The following VPS53 variants were observed in gnomAD, a reference collection of about 807,000 sequenced individuals.
VPS53 encodes vacuolar protein sorting-associated protein 53 homolog.
In VPS53, 70 loss-of-function variants were observed where a neutral mutation model predicts 107.0. That is an observed-to-expected ratio of 0.65 (90% CI 0.54 to 0.80). VPS53 has a LOEUF of 0.80. Ranked by LOEUF, VPS53 falls within the 30% of genes least tolerant of loss-of-function variation. The pLI is 0.00. For synonymous variants in VPS53, 409 were observed against 393.3 expected, an observed-to-expected ratio of 1.04 and a Z score of -0.47; for missense variants, 917 against 1,049.4, an observed-to-expected ratio of 0.87 and a Z score of 1.74.
At chr17:562,802 A>G (rs757808941) in intron 13 of VPS53, 57 bp from the exon 14 acceptor site, 69 of 1,571,808 alleles carry the variant, frequency 4.4e-5, no homozygotes, top group Non-Finnish European at 5.7e-5. Context: ...AGTAAAGCAA[A>G]TGTGCTCGTT....
chr17:702,418 C>A (rs1394669891), intron 2 of VPS53, among the ~76,000 whole-genome samples: 2 of 152,074 alleles, frequency 1.3e-5, no homozygotes, highest in Non-Finnish European at 2.9e-5. Flanking sequence ...GTAATCCCAG[C>A]ACTTTGAGGC....
chr17:679,294 T>C (rs777958055), intron 4 of VPS53, among the ~76,000 whole-genome samples: 68 of 152,010 alleles, frequency 4.5e-4, no homozygotes, highest in Non-Finnish European at 7.5e-4. Context: ...GGCGCGCAGA[T>C]CACGAGGTCA....
chr17:589,237 A>G (rs1231189185), intron 12 of VPS53, among the ~76,000 whole-genome samples: 1 of 152,012 alleles, frequency 6.6e-6, no homozygotes, highest in Non-Finnish European at 1.5e-5. Context: ...TTGAACATGT[A>G]TATTTTGTAT....
chr17:676,628 C>T (rs1972171346), intron 4 of VPS53, among the ~76,000 whole-genome samples: 1 of 152,128 alleles, frequency 6.6e-6, no homozygotes, highest in Admixed American at 6.5e-5. Flanking sequence ...CTGAAGACTG[C>T]CAGTTTATAT....
chr17:632,287 T>C (rs9899763), intron 7 of VPS53, among the ~76,000 whole-genome samples: 7,174 of 152,064 alleles, frequency 0.047, 553 homozygotes, highest in African/African-American at 0.16. Flanking sequence ...ATAAATCCAC[T>C]TTGGATTACT....
Position 520,028 on chromosome 17 carries a change from G to A in VPS53, c.2224-98C>T, listed in dbSNP as rs1187739637. On this transcript the variant is annotated intron_variant, in intron 20 of 21. Coordinates refer to ENST00000437048, the MANE Select transcript of VPS53 (RefSeq NM_001128159.3). The surrounding 1 kb of genome is among the most constrained non-coding windows in gnomAD (Gnocchi z 4.4). The stretch of plus-strand genomic sequence containing the variant: ...CAAGAAAACTCACTACCCACCGCAG[G>A]AGGAGACGGGAGCGGGCCCTTCAGG... The A allele has an allele frequency of 1.3e-6, 1 of 780,696 alleles. No homozygotes were observed. Among genetic ancestry groups the A allele is most frequent in the Non-Finnish European group, 2.1e-6 (1 of 465,622 alleles). 48.4% of individuals were successfully genotyped at this position (780,696 alleles called of 1,614,324 possible). A position where few individuals can be genotyped will look rare whatever the true frequency, so the allele number is the denominator to read the frequency against.
chr17:643,635 A>G (rs1342427653), intron 7 of VPS53, among the ~76,000 whole-genome samples: 2 of 151,080 alleles, frequency 1.3e-5, no homozygotes, highest in Non-Finnish European at 2.9e-5. Context: ...CGAGGACAAC[A>G]CTCATACTTG....
At chr17:672,257 C>A (rs1007709289) in intron 4 of VPS53, among the ~76,000 whole-genome samples, 4 of 148,912 alleles carry the variant, frequency 2.7e-5, no homozygotes, top group Non-Finnish European at 5.9e-5. Flanking sequence ...ACAAGCCCAG[C>A]TGAGACGCTA....
At chr17:639,862 G>A (rs926030186) in intron 7 of VPS53, among the ~76,000 whole-genome samples, 2 of 152,160 alleles carry the variant, frequency 1.3e-5, no homozygotes, top group Non-Finnish European at 2.9e-5. Context: ...CCCACTTGAG[G>A]AGGCAGTCTG....
rs1241065433 is a variant in VPS53, at chr17:511,668, C to G, written c.*7460G>C. Reference sequence around the variant, plus strand: ...CACAATTGGAAAGTAATCCAAACAGCCTGTGAGCTCAGGCTTCCCAGTTAG... The same window carrying G: ...CACAATTGGAAAGTAATCCAAACAGGCTGTGAGCTCAGGCTTCCCAGTTAG... On this transcript the variant is annotated 3_prime_UTR_variant, in exon 22 of 22. Transcript: ENST00000437048. The G allele has an allele frequency of 1.3e-5, 2 of 152,106 alleles. No individual in the cohort carries two copies. Among genetic ancestry groups the G allele is most frequent in the Non-Finnish European group, 2.9e-5 (2 of 68,028 alleles). The allele number at this position is 152,106 out of a possible 1,614,324, so 9.4% of individuals were successfully genotyped here. A position where few individuals can be genotyped will look rare whatever the true frequency, so the allele number is the denominator to read the frequency against.
At chr17:559,024 G>A (rs1425142033) in intron 15 of VPS53, among the ~76,000 whole-genome samples, 3 of 151,724 alleles carry the variant, frequency 2.0e-5, no homozygotes, top group Non-Finnish European at 2.9e-5. Flanking sequence ...AATAATTTAT[G>A]GTATAGTCCC....
Position 714,766 on chromosome 17 carries a change from G to T in VPS53, c.-57C>A. Reference sequence around the variant, plus strand: ...GCGAGCCCAACTCAGGCCTCCAGCCGCCACCCAGGCCCCAGCACAGCAACT... The same window carrying T: ...GCGAGCCCAACTCAGGCCTCCAGCCTCCACCCAGGCCCCAGCACAGCAACT... On this transcript the variant is annotated 5_prime_UTR_variant, in exon 1 of 22. Coordinates refer to ENST00000437048, the MANE Select transcript of VPS53 (RefSeq NM_001128159.3). 6.3e-7 allele frequency: 1 copy of T among 1,587,244 alleles called. No individual in the cohort carries two copies.
intron 4 of VPS53, among the ~76,000 whole-genome samples, chr17:682,878 T>C (rs1205029683): frequency 7.5e-6 from 1 of 132,960 alleles, no homozygotes; most frequent in Non-Finnish European, 1.6e-5. Flanking sequence ...GAGGGGATTT[T>C]AAAATAACAA....
chr17:619,006 C>A (rs981044097), intron 11 of VPS53, among the ~76,000 whole-genome samples: 7 of 140,390 alleles, frequency 5.0e-5, no homozygotes, highest in Admixed American at 3.7e-4. Context: ...TAATATTTCC[C>A]GGGTAGCTGG....
intron 1 of VPS53, among the ~76,000 whole-genome samples, chr17:711,359 CT>C (rs1973636671): frequency 1.3e-5 from 2 of 152,228 alleles, no homozygotes; most frequent in East Asian, 3.8e-4. Flanking sequence ...GCAACTTCAT[CT>C]CTGAAGAAGC....
chr17:588,522 T>C, intron 12 of VPS53, among the ~76,000 whole-genome samples: 1 of 152,154 alleles, frequency 6.6e-6, no homozygotes, highest in Non-Finnish European at 1.5e-5. Flanking sequence ...TTGTAAAAAA[T>C]GATCACTAAA....
At chr17:580,756 AC>A (rs1966972315) in intron 13 of VPS53, among the ~76,000 whole-genome samples, 1 of 136,798 alleles carries the variant, frequency 7.3e-6, no homozygotes, top group African/African-American at 2.8e-5. Context: ...CTGATGCATT[AC>A]CAGAGAACTT....
intron 17 of VPS53, among the ~76,000 whole-genome samples, chr17:540,189 A>G (rs1262636928): frequency 6.6e-6 from 1 of 150,630 alleles, no homozygotes; most frequent in Non-Finnish European, 1.5e-5. Context: ...AGGACTCTTT[A>G]TTTTTCATTT....
At chr17:627,066 GT>G in intron 10 of VPS53, 107 bp downstream of exon 10, 1 of 1,415,296 alleles carries the variant, frequency 7.1e-7, no homozygotes, top group Non-Finnish European at 9.5e-7. Context: ...ATCTGGTGGG[GT>G]CTGGAAGTGG....
Sources: allele counts gnomAD v4.1 joint callset (sites outside exome capture counted in the v4.1 genomes callset), GRCh38; gene constraint gnomAD v4.1.1; non-coding constraint Gnocchi (gnomAD v3.1); transcripts MANE v1.5; gene names NCBI Gene and HGNC (gene_info 2026-07-23, HGNC 2026-07-21).